Variants in EPHB2 observed in about 807,000 individuals in gnomAD.
EPHB2 encodes ephrin type-B receptor 2.
In EPHB2, 18 loss-of-function variants were observed where a neutral mutation model predicts 96.4. The ratio of observed to expected loss-of-function variants is 0.19; its 90% CI spans 0.13 to 0.28. The LOEUF is 0.28. Ranked by LOEUF, EPHB2 falls within the 10% of genes least tolerant of loss-of-function variation. The probability of loss-of-function intolerance (pLI) is 1.00; values close to 1 mark genes in which losing one functional copy is unlikely to be tolerated. For missense variants in EPHB2, 989 were observed against 1,355.4 expected (o/e 0.73, Z 4.25); for synonymous variants, 506 against 534.1 (o/e 0.95, Z 0.72).
chr1:22,833,436 A>C (rs908585182), intron 3 of EPHB2, among the ~76,000 whole-genome samples: 11 of 152,146 alleles, frequency 7.2e-5, no homozygotes, highest in African/African-American at 2.7e-4. Flanking sequence ...GAGATTTTTG[A>C]AATAGTAGGT....
intron 1 of EPHB2, among the ~76,000 whole-genome samples, chr1:22,756,517 C>T (rs983673642): frequency 1.3e-5 from 2 of 152,092 alleles, no homozygotes; most frequent in African/African-American, 4.8e-5. Flanking sequence ...TGGGAGTCTC[C>T]GGAGGGTGTC....
chr1:22,720,276 A>G (rs372150385), intron 1 of EPHB2, among the ~76,000 whole-genome samples: 3 of 152,324 alleles, frequency 2.0e-5, no homozygotes, highest in African/African-American at 7.2e-5. Context: ...AGGCTTCCTC[A>G]TCAGGTTCAA....
chr1:22,839,218 G>A (rs1009582823), intron 3 of EPHB2, among the ~76,000 whole-genome samples: 5 of 152,140 alleles, frequency 3.3e-5, no homozygotes, highest in Non-Finnish European at 7.3e-5. Context: ...GAATCTCAAC[G>A]CAACACTCTG....
intron 5 of EPHB2, among the ~76,000 whole-genome samples, chr1:22,872,911 G>A (rs905125790): frequency 2.2e-4 from 33 of 152,236 alleles, no homozygotes; most frequent in African/African-American, 7.5e-4. Context: ...GAGACCACGA[G>A]GTTCGAGAGG....
chr1:22,827,901 T>C (rs1378108957), intron 3 of EPHB2, among the ~76,000 whole-genome samples: 1 of 152,182 alleles, frequency 6.6e-6, no homozygotes, highest in South Asian at 2.1e-4. Flanking sequence ...ACCATCCACA[T>C]GCATTTAGAG....
In EPHB2 at chr1:22,864,930, A is replaced by G. The variant is rs781369771; in HGVS notation, c.1021A>G (p.Met341Val). 5 of 1,603,864 alleles carry G rather than the reference A, an allele frequency of 3.1e-6. No homozygotes were observed. Among genetic ancestry groups the G allele is most frequent in the Non-Finnish European group, 4.3e-6 (5 of 1,175,564 alleles). ...TTCCAGTGTCAATGAGACCTCCCTC[A>G]TGCTGGAGTGGACCCCTCCCCGCGA... ...VISSVNETSLMLEWTPPRDSG... is the reference protein window; with the variant it reads ...VISSVNETSLVLEWTPPRDSG... The change falls in exon 5 of 16, where the codon ATG becomes GTG. Residue 341 changes from methionine (M) to valine (V), a missense_variant. Transcript: ENST00000374630.
At chr1:22,874,394 G>A (rs1338777891) in intron 5 of EPHB2, among the ~76,000 whole-genome samples, 2 of 152,200 alleles carry the variant, frequency 1.3e-5, no homozygotes, top group African/African-American at 2.4e-5. Flanking sequence ...GAGGCCAAAG[G>A]TGAGGTCAAG....
At chr1:22,840,564 G>A (rs774090613) in intron 3 of EPHB2, among the ~76,000 whole-genome samples, 4 of 152,304 alleles carry the variant, frequency 2.6e-5, no homozygotes, top group South Asian at 2.1e-4. Context: ...GGGCGCAAGC[G>A]ATTCTCGTGC....
intron 1 of EPHB2, among the ~76,000 whole-genome samples, chr1:22,713,538 C>T (rs1357821478): frequency 2.6e-5 from 4 of 152,174 alleles, no homozygotes; most frequent in Non-Finnish European, 4.4e-5. Context: ...AGAAGTCCCC[C>T]TTCAAAGCCA....
At chr1:22,757,349 G>A (rs1400549916) in intron 1 of EPHB2, among the ~76,000 whole-genome samples, 1 of 152,132 alleles carries the variant, frequency 6.6e-6, no homozygotes, top group East Asian at 1.9e-4. Flanking sequence ...GACAGTCAGG[G>A]AGGGTTTCCC....
intron 1 of EPHB2, among the ~76,000 whole-genome samples, chr1:22,714,018 C>G (rs924672808): frequency 6.6e-6 from 1 of 152,164 alleles, no homozygotes; most frequent in Non-Finnish European, 1.5e-5. Context: ...CATCCCTGGC[C>G]GATGGAATCC....
Position 22,894,366 on chromosome 1 carries a change from G to C in EPHB2, c.1592-1106G>C, listed in dbSNP as rs193071256. Among the ~76,000 whole-genome samples the C allele has an allele frequency of 2.6e-4, 40 of 152,296 alleles. No individual in the cohort carries two copies. The East Asian group carries it at 5.8e-3, about 22-fold the overall frequency. On this transcript the variant is annotated intron_variant, in intron 7 of 15. Transcript: ENST00000374630. ...TAATCCCAGCACTATGGGAAGCCAA[G>C]GCGGGTGGATCACCTGAGGTCAGGA...
At chr1:22,862,989 T>G in intron 3 of EPHB2, 48 bp from the exon 4 acceptor site, 45 of 1,612,064 alleles carry the variant, frequency 2.8e-5, no homozygotes, top group Non-Finnish European at 3.5e-5. Context: ...GTGACCTCTC[T>G]GAGTCTTCAT....
At chr1:22,902,816 A>G (rs1192033803) in intron 9 of EPHB2, among the ~76,000 whole-genome samples, 1 of 152,128 alleles carries the variant, frequency 6.6e-6, no homozygotes, top group East Asian at 1.9e-4. Context: ...AGACATCAAG[A>G]TCATAAGAGT....
chr1:22,712,316 C>T (rs1381174901), intron 1 of EPHB2, among the ~76,000 whole-genome samples: 1 of 152,230 alleles, frequency 6.6e-6, no homozygotes. Flanking sequence ...GAAACCAGCA[C>T]TCACTTAGCT....
intron 3 of EPHB2, chr1:22,836,569 A>C (rs1185467115): frequency 6.6e-6 from 1 of 152,292 alleles, no homozygotes; most frequent in African/African-American, 2.4e-5. Flanking sequence ...ACAGCCAGCC[A>C]GTAATTGAAC....
intron 1 of EPHB2, among the ~76,000 whole-genome samples, chr1:22,765,169 C>T (rs1644290409): frequency 1.3e-5 from 2 of 152,086 alleles, no homozygotes; most frequent in South Asian, 4.1e-4. Flanking sequence ...AGCCTTGGCC[C>T]AGAACTCTGA....
At chr1:22,812,852 T>C (rs1035015976) in intron 3 of EPHB2, among the ~76,000 whole-genome samples, 3 of 152,108 alleles carry the variant, frequency 2.0e-5, no homozygotes, top group African/African-American at 4.8e-5. Flanking sequence ...TGAGTGTTGG[T>C]AGAATGACCA....
rs776518179 is a variant in EPHB2, at chr1:22,863,231, G to A, written c.967+39G>A. On this transcript the variant is annotated intron_variant, in intron 4 of 15. Coordinates refer to ENST00000374630, the MANE Select transcript of EPHB2 (RefSeq NM_017449.5). ...CCCCTCAAGGGCGATGGCTGGCCGAGTCCCAGGTCTACCTGCAGAAAAGCT... is the reference window on the plus strand; with the variant it reads ...CCCCTCAAGGGCGATGGCTGGCCGAATCCCAGGTCTACCTGCAGAAAAGCT... 1.9e-6 allele frequency: 3 copies of A among 1,613,678 alleles called. No individual in the cohort carries two copies. The East Asian group carries it at 6.7e-5, about 36-fold the overall frequency.
Sources: gnomAD v4.1 joint callset for allele counts (sites outside exome capture counted in the v4.1 genomes callset) on GRCh38, gnomAD v4.1.1 for gene constraint, MANE v1.5 for transcripts, NCBI Gene and HGNC (gene_info 2026-07-23, HGNC 2026-07-21) for gene names.